Variants in PLPBP observed in about 807,000 individuals in gnomAD.
PLPBP encodes pyridoxal phosphate binding protein.
A neutral mutation model predicts 31.2 loss-of-function variants in PLPBP; 21 were observed. That is an observed-to-expected ratio of 0.67 (90% CI 0.48 to 0.97). The LOEUF (loss-of-function observed/expected upper bound fraction) is 0.97, where lower values mean the gene tolerates loss of function less well. Among genes scored for constraint, PLPBP ranks in the 50% least tolerant of loss-of-function variants. PLPBP has a pLI of 0.00. For missense variants in PLPBP, 308 were observed against 354.4 expected (o/e 0.87, Z 1.05); for synonymous variants, 124 against 135.6 (o/e 0.91, Z 0.59).
At position 37,768,867 on chromosome 8, in the gene PLPBP, C is replaced by A. The variant is rs189388658; in HGVS notation, c.319+2512C>A. Among the ~76,000 whole-genome samples the A allele has an allele frequency of 4.2e-3, 632 of 152,182 alleles. 10 individuals carry two copies. The highest frequency in any genetic ancestry group is 6.5e-3 in the Non-Finnish European group (445 of 68,012). On this transcript the variant is annotated intron_variant, in intron 4 of 7. Transcript: ENST00000328195. ...TTCTTTGGAAAAATGTCTAGTCAGTCCTCTGCATGTTTTTTAAATTGAGTT... is the reference window on the plus strand; with the variant it reads ...TTCTTTGGAAAAATGTCTAGTCAGTACTCTGCATGTTTTTTAAATTGAGTT...
intron 5 of PLPBP, among the ~76,000 whole-genome samples, chr8:37,774,438 C>G (rs1803851190): frequency 6.6e-6 from 1 of 152,302 alleles, no homozygotes; most frequent in East Asian, 1.9e-4. Context: ...AGAATGCTTA[C>G]TTCAGAGGGT....
intron 4 of PLPBP, 91 bp downstream of exon 4, chr8:37,766,446 G>A (rs1437987042): frequency 8.5e-6 from 12 of 1,404,368 alleles, no homozygotes; most frequent in Non-Finnish European, 1.1e-5. Flanking sequence ...TTTTAGAATA[G>A]CCCCAATTCA....
chr8:37,775,785 A>G, intron 6 of PLPBP, 133 bp from the exon 7 acceptor site: 1 of 988,372 alleles, frequency 1.0e-6, no homozygotes, highest in Non-Finnish European at 1.5e-6. Context: ...CCCTTTCAGT[A>G]ACGTCTGGCA....
At position 37,764,500 on chromosome 8, in the gene PLPBP, T is replaced by C. The variant is rs149329480; in HGVS notation, c.100-1026T>C. Among the ~76,000 whole-genome samples, 3 of 152,300 alleles carry C rather than the reference T, an allele frequency of 2.0e-5. No individual in the cohort carries two copies. In the East Asian group the frequency reaches 5.8e-4, roughly 29 times the overall value. On this transcript the variant is annotated intron_variant, in intron 1 of 7. Coordinates refer to ENST00000328195, the MANE Select transcript of PLPBP (RefSeq NM_007198.4). ...CCACACCTGGCTAAGTTTTAGTATT[T>C]TAATAGAGATGGGGTTTCACCTTTT...
intron 1 of PLPBP, among the ~76,000 whole-genome samples, chr8:37,763,268 G>T (rs1177344665): frequency 6.6e-6 from 1 of 152,222 alleles, no homozygotes; most frequent in Non-Finnish European, 1.5e-5. Context: ...TGTTTATGGG[G>T]CAGGAGGGAG....
In PLPBP at chr8:37,776,013, T is replaced by C. The variant is rs1803896625; in HGVS notation, c.693T>C (p.His231=). ...TGGGCATGTCCGCGGATTTCCAGCA[T>C]GCGGTGAGTGTCCTGCCAGTGCCCT... ...LSMGMSADFQ[H]AVEVGSTNVR... is the part of the protein sequence containing the mutation. The change falls in exon 7 of 8, where the codon CAT becomes CAC. Residue 231 remains histidine, a synonymous_variant. Transcript: ENST00000328195. The C allele has an allele frequency of 6.2e-7, 1 of 1,613,220 alleles. No homozygotes were observed. Among genetic ancestry groups the C allele is most frequent in the Non-Finnish European group, 8.5e-7 (1 of 1,179,496 alleles).
chr8:37,776,726 G>A (rs1276206417), intron 7 of PLPBP, among the ~76,000 whole-genome samples: 1 of 152,098 alleles, frequency 6.6e-6, no homozygotes, highest in Non-Finnish European at 1.5e-5. Context: ...GGGCATGGCT[G>A]TATCACAGCA....
chr8:37,765,885 C>A, intron 3 of PLPBP, 139 bp downstream of exon 3: 2 of 908,182 alleles, frequency 2.2e-6, no homozygotes, highest in Non-Finnish European at 1.7e-6. Flanking sequence ...GAAATGTCAG[C>A]TTCCTCCTTG....
intron 7 of PLPBP, among the ~76,000 whole-genome samples, chr8:37,777,462 AC>A (rs1248457816): frequency 1.3e-5 from 2 of 152,126 alleles, no homozygotes; most frequent in Non-Finnish European, 2.9e-5. Flanking sequence ...ATCCAGAGAA[AC>A]CCAACTTGTT....
Position 37,775,321 on chromosome 8 carries a change from C to G in PLPBP, c.455-18C>G. Reference sequence around the variant, plus strand: ...TTTACCCTTGCAGTATACCTGTTTTCTGTTTCTTTTCTTGAAGGTAAACAT... The same window carrying G: ...TTTACCCTTGCAGTATACCTGTTTTGTGTTTCTTTTCTTGAAGGTAAACAT... On this transcript the variant is annotated intron_variant, in intron 5 of 7. Transcript: ENST00000328195. 2.5e-6 allele frequency: 4 copies of G among 1,614,052 alleles called. No homozygotes were observed. Among genetic ancestry groups the G allele is most frequent in the Non-Finnish European group, 3.4e-6 (4 of 1,179,916 alleles).
At chr8:37,774,307 C>A (rs912594748) in intron 5 of PLPBP, among the ~76,000 whole-genome samples, 2 of 152,202 alleles carry the variant, frequency 1.3e-5, no homozygotes, top group Non-Finnish European at 2.9e-5. Flanking sequence ...TGAATAGAAG[C>A]ATGGGCTTTG....
At chr8:37,776,493 A>AAAAAAAAAAAAAAAAG (rs1803916229) in intron 7 of PLPBP, among the ~76,000 whole-genome samples, 1 of 150,542 alleles carries the variant, frequency 6.6e-6, no homozygotes, top group Non-Finnish European at 1.5e-5. Flanking sequence ...AAAAAAAAAA[A>AAAAAAAAAAAAAAAAG]AAAAAAAAAA....
intron 5 of PLPBP, among the ~76,000 whole-genome samples, chr8:37,774,260 A>G (rs1453245040): frequency 6.6e-6 from 1 of 152,212 alleles, no homozygotes; most frequent in Non-Finnish European, 1.5e-5. Context: ...GTCAATGAAT[A>G]TCTTTATGGG....
intron 5 of PLPBP, among the ~76,000 whole-genome samples, chr8:37,773,939 G>A (rs924152884): frequency 8.6e-5 from 13 of 152,040 alleles, no homozygotes; most frequent in East Asian, 5.8e-4. Flanking sequence ...GGCCAGGTGC[G>A]GTGGCTTACA....
intron 4 of PLPBP, among the ~76,000 whole-genome samples, chr8:37,771,666 A>G (rs562837642): frequency 1.3e-5 from 2 of 152,210 alleles, no homozygotes; most frequent in East Asian, 1.9e-4. Flanking sequence ...ACATCAAGTT[A>G]AAAAGCTCTT....
At chr8:37,768,248 GACA>G (rs1273779229) in intron 4 of PLPBP, among the ~76,000 whole-genome samples, 1 of 152,070 alleles carries the variant, frequency 6.6e-6, no homozygotes, top group African/African-American at 2.4e-5. Context: ...CAAAATGCAT[GACA>G]ACAATAACAG....
In PLPBP at chr8:37,772,900, A is replaced by C. The variant is rs1249878669; in HGVS notation, c.454+11A>C. ...CCAGCGGAGAAGAGAGTAAGTAACC[A>C]GACCTGAATTGTAGATTTTTCTTCC... On this transcript the variant is annotated intron_variant, in intron 5 of 7. Coordinates refer to ENST00000328195, the MANE Select transcript of PLPBP (RefSeq NM_007198.4). The C allele has an allele frequency of 6.2e-7, 1 of 1,613,990 alleles. No homozygotes were observed. The highest frequency in any genetic ancestry group is 1.1e-5 in the South Asian group (1 of 91,080).
chr8:37,776,494 AAAAAAAAAAC>A (rs1278588300), intron 7 of PLPBP, among the ~76,000 whole-genome samples: 3 of 150,572 alleles, frequency 2.0e-5, no homozygotes, highest in African/African-American at 7.3e-5. Context: ...AAAAAAAAAA[AAAAAAAAAAC>A]AAAAGAAAGA....
Position 37,762,728 on chromosome 8 carries a change from C to A in PLPBP, c.69C>A (p.Arg23=). The part of the protein sequence containing the change: ...VGCALRAVNE[R]VQQAVARRPR... ...GCGCATTGCGGGCGGTGAACGAGCG[C>A]GTGCAGCAGGCTGTGGCGCGGCGGC... Residue 23 remains arginine, a synonymous_variant, in exon 1 of 8, where the codon CGC becomes CGA. Transcript: ENST00000328195. The A allele has an allele frequency of 6.3e-7, 1 of 1,585,946 alleles. No homozygotes were observed.
Sources: gnomAD v4.1 joint callset for allele counts (sites outside exome capture counted in the v4.1 genomes callset) on GRCh38, gnomAD v4.1.1 for gene constraint, MANE v1.5 for transcripts, NCBI Gene and HGNC (gene_info 2026-07-23, HGNC 2026-07-21) for gene names.